PCNX1: variants seen among roughly 807,000 people sequenced by gnomAD.
PCNX1 encodes the protein pecanex-like protein 1.
In PCNX1, 78 loss-of-function variants were observed where a neutral mutation model predicts 242.2. That is an observed-to-expected ratio of 0.32 (90% CI 0.27 to 0.39). The LOEUF is 0.39. Ranked by LOEUF, PCNX1 falls within the 10% of genes least tolerant of loss-of-function variation. The pLI is 1.00. For synonymous variants in PCNX1, 1,024 were observed against 1,032.9 expected (o/e 0.99, Z 0.17); for missense variants, 2,581 against 2,856.5 (o/e 0.90, Z 2.20).
intron 20 of PCNX1, among the ~76,000 whole-genome samples, chr14:71,046,263 T>A (rs935132828): frequency 5.9e-5 from 9 of 152,148 alleles, no homozygotes; most frequent in Non-Finnish European, 2.9e-5. Flanking sequence ...ATATAAATGA[T>A]GACACATACC....
chr14:71,063,980 T>G (rs2061386885), intron 26 of PCNX1, among the ~76,000 whole-genome samples: 1 of 152,206 alleles, frequency 6.6e-6, no homozygotes, highest in African/African-American at 2.4e-5. Flanking sequence ...AAGTGTAAAC[T>G]GTACCAGGTA....
In PCNX1 at chr14:70,946,900, T is replaced by G. The variant is rs375271185; in HGVS notation, c.154-15T>G. ...ATATTTTAAAATGTATTTCCTTATT[T>G]TCTTTCTCTTAAAGGCCCTTCCTTC... is the stretch of plus-strand genomic sequence containing the variant. On this transcript the variant is annotated splice_polypyrimidine_tract_variant and intron_variant, in intron 1 of 35. Coordinates refer to ENST00000304743, the MANE Select transcript of PCNX1 (RefSeq NM_014982.3). The G allele has an allele frequency of 1.4e-4, 211 of 1,520,538 alleles. 1 individual carries two copies. Among genetic ancestry groups the G allele is most frequent in the Non-Finnish European group, 1.9e-4 (207 of 1,097,278 alleles). The allele number at this position is 1,520,538 out of a possible 1,614,324, so 94.2% of individuals were successfully genotyped here.
chr14:70,981,373 A>G (rs1178729074), intron 6 of PCNX1, among the ~76,000 whole-genome samples: 4 of 152,228 alleles, frequency 2.6e-5, no homozygotes, highest in African/African-American at 7.2e-5. Flanking sequence ...GTGAAACTCA[A>G]TAGTAAAAAT....
intron 11 of PCNX1, among the ~76,000 whole-genome samples, chr14:71,016,661 T>G (rs2810095): frequency 0.022 from 3,325 of 152,222 alleles, 108 homozygotes; most frequent in African/African-American, 0.074. Flanking sequence ...AAGAGAGAAA[T>G]TAGTATTTTG....
chr14:70,919,803 G>A (rs2056307657), intron 1 of PCNX1, among the ~76,000 whole-genome samples: 1 of 137,848 alleles, frequency 7.3e-6, no homozygotes, highest in African/African-American at 2.7e-5. Flanking sequence ...TGGAACCTGA[G>A]CAGTTGCATC....
At chr14:70,938,125 C>T (rs549304731) in intron 1 of PCNX1, among the ~76,000 whole-genome samples, 8 of 152,134 alleles carry the variant, frequency 5.3e-5, no homozygotes, top group African/African-American at 1.9e-4. Context: ...CCTTTATTTC[C>T]TTCTCCTGCC....
At chr14:70,919,945 G>A (rs1258475351) in intron 1 of PCNX1, among the ~76,000 whole-genome samples, 2 of 151,964 alleles carry the variant, frequency 1.3e-5, no homozygotes, top group South Asian at 2.1e-4. Context: ...AGCTTTGAAC[G>A]AGCCAAATAG....
chr14:70,931,914 G>A (rs935655966), intron 1 of PCNX1, among the ~76,000 whole-genome samples: 2 of 152,252 alleles, frequency 1.3e-5, no homozygotes, highest in African/African-American at 2.4e-5. Flanking sequence ...GCCTGAGGTC[G>A]GGAGTTCCAG....
At chr14:70,919,513 C>T (rs1287477730) in intron 1 of PCNX1, among the ~76,000 whole-genome samples, 2 of 151,878 alleles carry the variant, frequency 1.3e-5, no homozygotes, top group East Asian at 1.9e-4. Context: ...GTTGAGACAC[C>T]TGAGAGTAAT....
At chr14:70,955,468 A>G (rs2140408594) in intron 2 of PCNX1, among the ~76,000 whole-genome samples, 1 of 152,360 alleles carries the variant, frequency 6.6e-6, no homozygotes, top group South Asian at 2.1e-4. Context: ...AGCATGAGCA[A>G]TAAATATGAT....
At chr14:70,935,910 T>C (rs558461849) in intron 1 of PCNX1, among the ~76,000 whole-genome samples, 1 of 152,346 alleles carries the variant, frequency 6.6e-6, no homozygotes, top group East Asian at 1.9e-4. Flanking sequence ...TTTCCAGGAA[T>C]TCTGGTTTTT....
rs149617081 is a variant in PCNX1 at position 70,927,001 on chromosome 14, C to T, written c.153+18998C>T. Among the ~76,000 whole-genome samples the T allele has an allele frequency of 9.7e-3, 1,474 of 152,170 alleles. 32 individuals carry two copies. Among genetic ancestry groups the T allele is most frequent in the African/African-American group, 0.033 (1,368 of 41,510 alleles). On this transcript the variant is annotated intron_variant, in intron 1 of 35. Coordinates refer to ENST00000304743, the MANE Select transcript of PCNX1 (RefSeq NM_014982.3). ...GACTGGGTATCGCTTCACTTTCTGC[C>T]GCTTACCAGCTGTGGGCATATGACT...
intron 5 of PCNX1, 69 bp downstream of exon 5, chr14:70,969,179 G>A (rs573180939): frequency 1.7e-5 from 15 of 880,166 alleles, no homozygotes; most frequent in Non-Finnish European, 2.9e-5. Context: ...AGAATATGCT[G>A]CATACAATTT....
chr14:71,109,780 A>G lies in PCNX1; in HGVS notation c.6886-15A>G. The G allele has an allele frequency of 1.2e-6, 2 of 1,613,488 alleles. No individual in the cohort carries two copies. Among genetic ancestry groups the G allele is most frequent in the Non-Finnish European group, 1.7e-6 (2 of 1,179,474 alleles). On this transcript the variant is annotated splice_polypyrimidine_tract_variant and intron_variant, in intron 35 of 35. Coordinates refer to ENST00000304743, the MANE Select transcript of PCNX1 (RefSeq NM_014982.3). ...GTCTCCAGTGCTAACTTCTTGTTTTATTCTGAATCATTAGGTGATTCACCG... is the reference window on the plus strand; with the variant it reads ...GTCTCCAGTGCTAACTTCTTGTTTTGTTCTGAATCATTAGGTGATTCACCG...
rs781120466 is a variant in PCNX1 at position 71,057,613 on chromosome 14, A to G, written c.4741A>G (p.Ser1581Gly). The G allele has an allele frequency of 8.2e-5, 133 of 1,613,460 alleles. No individual in the cohort carries two copies. Among genetic ancestry groups the G allele is most frequent in the Non-Finnish European group, 1.1e-4 (124 of 1,179,516 alleles). The change falls in exon 26 of 36, where the codon AGT (serine) becomes GGT (glycine). Residue 1581 changes from serine to glycine, a missense_variant. Physicochemically the swap from Ser to Gly is moderately conservative, Grantham distance 56 (BLOSUM62 0). Coordinates refer to ENST00000304743, the MANE Select transcript of PCNX1 (RefSeq NM_014982.3). ...DLLLGRWGNYSTGDCFILASD... is the reference protein window; with the variant it reads ...DLLLGRWGNYGTGDCFILASD... ...GCTACTAGGACGGTGGGGAAACTACAGTACAGGGGACTGTTTCATCCTTGC... is the reference window on the plus strand; with the variant it reads ...GCTACTAGGACGGTGGGGAAACTACGGTACAGGGGACTGTTTCATCCTTGC...
At chr14:71,062,072 C>G (rs945490997) in intron 26 of PCNX1, among the ~76,000 whole-genome samples, 28 of 152,172 alleles carry the variant, frequency 1.8e-4, no homozygotes, top group Admixed American at 7.9e-4. Flanking sequence ...GAGGAATGTT[C>G]TTGCTGCATT....
intron 6 of PCNX1, among the ~76,000 whole-genome samples, chr14:70,983,838 A>G (rs1216573060): frequency 6.6e-6 from 1 of 151,518 alleles, no homozygotes; most frequent in African/African-American, 2.4e-5. Context: ...ATTGGAACAA[A>G]ATCTTTGTAT....
chr14:71,059,740 A>C (rs942523168), intron 26 of PCNX1, among the ~76,000 whole-genome samples: 1 of 151,892 alleles, frequency 6.6e-6, no homozygotes, highest in Non-Finnish European at 1.5e-5. Flanking sequence ...CACGCTTACA[A>C]TTTTTCAGTG....
chr14:71,103,339 T>C (rs1287596137), intron 31 of PCNX1, 56 bp from the exon 32 acceptor site: 1 of 1,567,800 alleles, frequency 6.4e-7, no homozygotes, highest in African/African-American at 1.4e-5. Context: ...CTCTTCTGTT[T>C]CTGTGAATTT....
Sources: gnomAD v4.1 joint callset for allele counts (sites outside exome capture counted in the v4.1 genomes callset) on GRCh38, gnomAD v4.1.1 for gene constraint, MANE v1.5 for transcripts, NCBI Gene and HGNC (gene_info 2026-07-23, HGNC 2026-07-21) for gene names.